Variants in APC2 observed in about 807,000 individuals in gnomAD.
APC2 encodes adenomatous polyposis coli protein 2.
A neutral mutation model predicts 72.5 loss-of-function variants in APC2; 41 were observed. The ratio of observed to expected loss-of-function variants is 0.57; its 90% CI spans 0.44 to 0.73. The LOEUF is 0.73. Among genes scored for constraint, APC2 ranks in the 30% least tolerant of loss-of-function variants. The probability of loss-of-function intolerance (pLI) is 0.00; values close to 1 mark genes in which losing one functional copy is unlikely to be tolerated. For synonymous variants in APC2, 1,898 were observed against 1,612.0 expected (o/e 1.18, Z -4.25); for missense variants, 3,729 against 3,403.4 (o/e 1.10, Z -2.38).
Position 1,453,554 on chromosome 19 carries a change from G to C in APC2, c.356G>C (p.Ser119Thr). ...CACGGCTCCGGGCCCTCCAAGGACA[G>C]CTTTGGGGAGCTGAGCCGGGCCACC... Reference protein sequence around the residue: ...PVHGSGPSKDSFGELSRATIR... With the variant: ...PVHGSGPSKDTFGELSRATIR... Residue 119 changes from serine to threonine, a missense_variant, in exon 4 of 15, where the codon AGC becomes ACC. Ser to Thr is a moderately conservative substitution (Grantham distance 58). Coordinates refer to ENST00000590469, the MANE Select transcript of APC2 (RefSeq NM_005883.3). 3 of 1,611,360 alleles carry C rather than the reference G, an allele frequency of 1.9e-6. No homozygotes were observed. Among genetic ancestry groups the C allele is most frequent in the Non-Finnish European group, 2.5e-6 (3 of 1,179,418 alleles).
At chr19:1,451,904 G>C (rs1220430200) in intron 1 of APC2, 1 of 152,684 alleles carries the variant, frequency 6.5e-6, no homozygotes, top group African/African-American at 2.4e-5. Flanking sequence ...GGGCACCTGG[G>C]GGTCAGAGAA....
At chr19:1,448,315 G>C (rs1277867450), upstream of APC2, among the ~76,000 whole-genome samples, 1 of 152,110 alleles carries the variant, frequency 6.6e-6, no homozygotes, top group Non-Finnish European at 1.5e-5. Flanking sequence ...AATCCCCTTC[G>C]AGGCGGGCGG....
In APC2 at chr19:1,472,414, C is replaced by T. The variant is rs1040494129; in HGVS notation, c.*2201C>T. On this transcript the variant is annotated 3_prime_UTR_variant, in exon 15 of 15. Transcript: ENST00000590469. ...GTCTCTGGGCGGCGCCCTCCCAGCT[C>T]CCTGCCTCTGTTTCCCCATGTGGGC... 1.3e-5 allele frequency: 2 copies of T among 152,314 alleles called. No homozygotes were observed. Among genetic ancestry groups the T allele is most frequent in the African/African-American group, 4.8e-5 (2 of 41,468 alleles). 9.4% of individuals were successfully genotyped at this position (152,314 alleles called of 1,614,324 possible).
rs767693279 is a variant in APC2, at chr19:1,461,971, C to T, written c.1647C>T (p.Thr549=). Residue 549 remains threonine (T), a synonymous_variant, in exon 14 of 15, where the codon ACC becomes ACT. Coordinates refer to ENST00000590469, the MANE Select transcript of APC2 (RefSeq NM_005883.3). The stretch of plus-strand genomic sequence containing the variant: ...TCCCGCCCCTCGTCCAGGAGTCCAC[C>T]CTGAAGAGCGTGCTGAGCGCCCTGT... ...QCVLRATKES[T]LKSVLSALWN... is the part of the protein sequence containing the mutation. 1 of 1,611,612 alleles carries T rather than the reference C, an allele frequency of 6.2e-7. No homozygotes were observed.
intron 6 of APC2, 118 bp downstream of exon 6, chr19:1,455,618 G>C (rs2083810943): frequency 1.0e-6 from 1 of 995,772 alleles, no homozygotes; most frequent in African/African-American, 1.6e-5. Flanking sequence ...TGCCTCCTGG[G>C]TTGGGGGGCG....
At position 1,469,674 on chromosome 19, in the gene APC2, G is replaced by T; in HGVS notation, c.6373G>T (p.Ala2125Ser). The change falls in exon 15 of 15, where the codon GCG becomes TCG. Residue 2125 changes from alanine (A) to serine (S), a missense_variant. Physicochemically the swap from Ala to Ser is moderately conservative, Grantham distance 99. Transcript: ENST00000590469. ...VPAAPASADA[A>S]RRSSDGEPRP... ...CGCGGCCCCTGCCTCAGCCGACGCC[G>T]CGCGCCGCAGCAGCGACGGGGAGCC... 7.9e-7 allele frequency: 1 copy of T among 1,272,064 alleles called. No individual in the cohort carries two copies. The highest frequency in any genetic ancestry group is 9.9e-7 in the Non-Finnish European group (1 of 1,015,030). The allele number at this position is 1,272,064 out of a possible 1,614,324, so 78.8% of individuals were successfully genotyped here. A position where few individuals can be genotyped will look rare whatever the true frequency, so the allele number is the denominator to read the frequency against.
chr19:1,466,204 A>G lies in APC2; in HGVS notation c.2903A>G (p.Asp968Gly). 42 of 1,559,524 alleles carry G rather than the reference A, an allele frequency of 2.7e-5. No homozygotes were observed. Among genetic ancestry groups the G allele is most frequent in the Non-Finnish European group, 3.5e-5 (41 of 1,161,732 alleles). Residue 968 changes from aspartate (D) to glycine (G), a missense_variant, in exon 15 of 15, where the codon GAC becomes GGC. Coordinates refer to ENST00000590469, the MANE Select transcript of APC2 (RefSeq NM_005883.3). ...RCGQPRPSRL[D>G]LDLPGCQAEP... The stretch of plus-strand genomic sequence containing the variant: ...GGGCAGCCTCGGCCCAGCCGGCTTG[A>G]CCTTGACCTGCCCGGCTGCCAGGCC...
Position 1,469,407 on chromosome 19 carries a change from G to A in APC2, c.6106G>A (p.Val2036Ile). Reference protein sequence around the residue: ...PRRGRPALPAVFLCSSRCEEL... With the variant: ...PRRGRPALPAIFLCSSRCEEL... ...CCGCGGCCGGCCCGCGCTGCCCGCC[G>A]TCTTCCTCTGCTCCTCGCGCTGCGA... The change falls in exon 15 of 15, where the codon GTC (valine) becomes ATC (isoleucine). Residue 2036 changes from valine to isoleucine, a missense_variant. By Grantham distance (29) the Val-to-Ile change is conservative. Coordinates refer to ENST00000590469, the MANE Select transcript of APC2 (RefSeq NM_005883.3). 1.7e-6 allele frequency: 2 copies of A among 1,203,808 alleles called. No homozygotes were observed. Among genetic ancestry groups the A allele is most frequent in the Non-Finnish European group, 2.1e-6 (2 of 971,048 alleles). 74.6% of individuals were successfully genotyped at this position (1,203,808 alleles called of 1,614,324 possible).
Position 1,466,639 on chromosome 19 carries a change from C to A in APC2, c.3338C>A (p.Thr1113Lys). Residue 1113 changes from threonine to lysine, a missense_variant, in exon 15 of 15, where the codon ACG (threonine) becomes AAG (lysine). Thr to Lys is a moderately conservative substitution (Grantham distance 78). Transcript: ENST00000590469. Reference protein sequence around the residue: ...AGPSEAELDSTWRAPGATSLP... With the variant: ...AGPSEAELDSKWRAPGATSLP... ...CCCAGCGAGGCTGAGCTGGACAGCACGTGGCGGGCGCCCGGGGCCACCTCG... is the reference window on the plus strand; with the variant it reads ...CCCAGCGAGGCTGAGCTGGACAGCAAGTGGCGGGCGCCCGGGGCCACCTCG... 6.7e-7 allele frequency: 1 copy of A among 1,498,444 alleles called. No individual in the cohort carries two copies. The highest frequency in any genetic ancestry group is 8.9e-7 in the Non-Finnish European group (1 of 1,125,536). 92.8% of individuals were successfully genotyped at this position (1,498,444 alleles called of 1,614,324 possible).
intron 14 of APC2, 50 bp from the exon 15 acceptor site, chr19:1,465,105 G>T: frequency 6.4e-7 from 1 of 1,555,130 alleles, no homozygotes. Flanking sequence ...TCCTTCGGTG[G>T]GCAGGGGAGG....
chr19:1,453,559 G>C lies in APC2; in HGVS notation c.361G>C (p.Gly121Arg). The C allele has an allele frequency of 1.2e-6, 2 of 1,611,100 alleles. No homozygotes were observed. The highest frequency in any genetic ancestry group is 1.7e-6 in the Non-Finnish European group (2 of 1,179,316). ...CTCCGGGCCCTCCAAGGACAGCTTT[G>C]GGGAGCTGAGCCGGGCCACCATCCG... ...HGSGPSKDSF[G>R]ELSRATIRLL... Residue 121 changes from glycine to arginine, a missense_variant, in exon 4 of 15, where the codon GGG (glycine) becomes CGG (arginine). Gly to Arg is a moderately radical substitution (Grantham distance 125). Transcript: ENST00000590469.
rs190017500 is a variant in APC2, at chr19:1,465,142, C to T, written c.1854-13C>T. On this transcript the variant is annotated splice_polypyrimidine_tract_variant and intron_variant, in intron 14 of 14. Transcript: ENST00000590469. ...TGGGGGGTGGCCCAGGCTAACCCGC[C>T]CTGTGCCTACAGGCAGGTGCTCCGG... 1.1e-5 allele frequency: 17 copies of T among 1,591,042 alleles called. No homozygotes were observed. The Admixed American group carries it at 1.8e-4, about 16-fold the overall frequency.
chr19:1,455,202 A>C lies in APC2; in HGVS notation c.467A>C (p.Tyr156Ser), dbSNP rs1830423690. Residue 156 changes from tyrosine (Y) to serine (S), a missense_variant, in exon 5 of 15, where the codon TAC becomes TCC. Tyr to Ser is a moderately radical substitution (Grantham distance 144). Transcript: ENST00000590469. Reference sequence around the variant, plus strand: ...GAGGAGAAGGAGAAGCTCTGGTACTACTCTCAGCTGCAGGGCCTGTCCAAG... The same window carrying C: ...GAGGAGAAGGAGAAGCTCTGGTACTCCTCTCAGCTGCAGGGCCTGTCCAAG... ...EKEEKEKLWY[Y>S]SQLQGLSKRL... is the part of the protein sequence containing the mutation. 1 of 1,582,756 alleles carries C rather than the reference A, an allele frequency of 6.3e-7. No homozygotes were observed. Among genetic ancestry groups the C allele is most frequent in the Non-Finnish European group, 8.5e-7 (1 of 1,171,838 alleles).
upstream of APC2, among the ~76,000 whole-genome samples, chr19:1,446,614 G>C (rs555813637): frequency 6.6e-5 from 10 of 152,168 alleles, no homozygotes; most frequent in East Asian, 1.7e-3. This position sits in a 1 kb window ranked among gnomAD's most constrained non-coding sequence, Gnocchi z 6.1. Flanking sequence ...CCCAGCCCTC[G>C]GCCTCTGCAG....
chr19:1,466,859 C>G lies in APC2; in HGVS notation c.3558C>G (p.Ser1186Arg). The change falls in exon 15 of 15, where the codon AGC (serine) becomes AGG (arginine). Residue 1186 changes from serine (S) to arginine (R), a missense_variant. Ser to Arg is a moderately radical substitution (Grantham distance 110). Coordinates refer to ENST00000590469, the MANE Select transcript of APC2 (RefSeq NM_005883.3). ...GCTCCATCCCCAGTGAACCTTGCAG[C>G]GGGCAGGGCAGCGGCACCATCAGCC... ...IASSIPSEPC[S>R]GQGSGTISPS... The G allele has an allele frequency of 6.4e-7, 1 of 1,561,272 alleles. No homozygotes were observed. Among genetic ancestry groups the G allele is most frequent in the Non-Finnish European group, 8.7e-7 (1 of 1,154,102 alleles).
At position 1,453,381 on chromosome 19, in the gene APC2, G is replaced by A. The variant is rs756074856; in HGVS notation, c.232+44G>A. On this transcript the variant is annotated intron_variant, in intron 3 of 14. Transcript: ENST00000590469. ...CGCAGAGGGAGTGGGGGAGGCTGGG[G>A]GGAAAGGCAGGCAGGGCCGCTGACC... The A allele has an allele frequency of 1.9e-6, 3 of 1,610,996 alleles. No individual in the cohort carries two copies. In the South Asian group the frequency reaches 3.3e-5, roughly 18 times the overall value.
chr19:1,462,252 C>T (rs2083938952), intron 14 of APC2, 75 bp downstream of exon 14: 3 of 1,383,944 alleles, frequency 2.2e-6, no homozygotes, highest in Non-Finnish European at 2.9e-6. Context: ...GGGCACTGTC[C>T]TCCCGTGAAT....
rs2083937161 is a variant in APC2, at chr19:1,462,182, G to A, written c.1853+5G>A. ...CGCCACCCGTGAGGACTACAGGTCG[G>A]CCCCCACCCCCCCACCCGCACACAG... On this transcript the variant is annotated splice_donor_5th_base_variant and intron_variant, in intron 14 of 14. Coordinates refer to ENST00000590469, the MANE Select transcript of APC2 (RefSeq NM_005883.3). 1.3e-6 allele frequency: 2 copies of A among 1,536,248 alleles called. No homozygotes were observed. Among genetic ancestry groups the A allele is most frequent in the African/African-American group, 1.4e-5 (1 of 72,790 alleles).
chr19:1,469,745 C>T lies in APC2; in HGVS notation c.6444C>T (p.Arg2148=), dbSNP rs1361004496. 36 of 1,486,772 alleles carry T rather than the reference C, an allele frequency of 2.4e-5. No homozygotes were observed. The highest frequency in any genetic ancestry group is 3.1e-5 in the Non-Finnish European group (35 of 1,126,522). 92.1% of individuals were successfully genotyped at this position (1,486,772 alleles called of 1,614,324 possible). Reference sequence around the variant, plus strand: ...CCGCGCCGGGCACGACCTGGCGGCGCATCCGAGATGAGGACGTGCCCCACA... The same window carrying T: ...CCGCGCCGGGCACGACCTGGCGGCGTATCCGAGATGAGGACGTGCCCCACA... The part of the protein sequence containing the change: ...RVAAPGTTWR[R]IRDEDVPHIL... The change falls in exon 15 of 15, where the codon CGC becomes CGT. Residue 2148 remains arginine, a synonymous_variant. Coordinates refer to ENST00000590469, the MANE Select transcript of APC2 (RefSeq NM_005883.3).
Sources: allele counts gnomAD v4.1 joint callset (sites outside exome capture counted in the v4.1 genomes callset), GRCh38; gene constraint gnomAD v4.1.1; non-coding constraint Gnocchi (gnomAD v3.1); transcripts MANE v1.5; gene names NCBI Gene and HGNC (gene_info 2026-07-23, HGNC 2026-07-21).